Variants in CCNB3 observed in about 807,000 individuals in gnomAD.
The protein encoded by CCNB3 is cyclin B3, also known as G2/mitotic-specific cyclin-B3.
CCNB3 carries 12 observed loss-of-function variants against 68.0 expected under a neutral mutation model. The observed-to-expected ratio is 0.18, with a 90% CI of 0.11 to 0.29. The LOEUF (loss-of-function observed/expected upper bound fraction) is 0.29, where lower values mean the gene tolerates loss of function less well. Among genes scored for constraint, CCNB3 ranks in the 10% least tolerant of loss-of-function variants. The probability of loss-of-function intolerance (pLI) is 1.00; values close to 1 mark genes in which losing one functional copy is unlikely to be tolerated. For missense variants in CCNB3, 904 were observed against 993.1 expected, an observed-to-expected ratio of 0.91 and a Z score of 1.21; for synonymous variants, 354 against 388.9, an observed-to-expected ratio of 0.91 and a Z score of 1.06.
At chrX:50,286,077 T>C (rs1166359609) in intron 3 of CCNB3, among the ~76,000 whole-genome samples, 1 of 112,027 alleles carries the variant, frequency 8.9e-6, no homozygotes, top group Non-Finnish European at 1.9e-5. Flanking sequence ...CTAAGTTTTA[T>C]TGAGTTCAGT....
At chrX:50,209,341 T>C (rs1602177195) in intron 1 of CCNB3, among the ~76,000 whole-genome samples, 2 of 110,965 alleles carry the variant, frequency 1.8e-5, no homozygotes, top group Middle Eastern at 9.2e-3. Context: ...TGCCCAATAC[T>C]GGATTGTTTT....
chrX:50,285,315 C>T, intron 3 of CCNB3, 56 bp downstream of exon 3: 1 of 901,698 alleles, frequency 1.1e-6, no homozygotes, highest in Non-Finnish European at 1.6e-6. Context: ...CCTGTGTTGG[C>T]TCAGTACCTA....
intron 8 of CCNB3, among the ~76,000 whole-genome samples, chrX:50,315,267 A>G (rs1557215608): frequency 9.0e-6 from 1 of 111,375 alleles, no homozygotes; most frequent in Non-Finnish European, 1.9e-5. Flanking sequence ...ATATCAATGT[A>G]TACCCCTTGA....
chrX:50,306,201 T>G (rs1197621343), intron 5 of CCNB3, among the ~76,000 whole-genome samples: 3 of 111,258 alleles, frequency 2.7e-5, no homozygotes, highest in Non-Finnish European at 5.6e-5. Flanking sequence ...TTATGTTTGT[T>G]AAATTTATTT....
Position 50,309,851 on chromosome X carries a change from A to G in CCNB3, c.1682A>G (p.Asn561Ser). 1 of 1,210,829 alleles carries G rather than the reference A, an allele frequency of 8.3e-7. No homozygotes were observed. The highest frequency in any genetic ancestry group is 3.0e-5 in the East Asian group (1 of 33,839). ...CAGGATATGATTGGTGAAGATAAGA[A>G]TTCTTTCTTTATGGAGCCAATGTCA... ...DFQDMIGEDK[N>S]SFFMEPMSFR... The change falls in exon 6 of 13, where the codon AAT becomes AGT. Residue 561 changes from asparagine to serine, a missense_variant. This residue lies in a region of CCNB3 where 619 missense variants were observed against 609.8 expected (regional missense o/e 1.02). Coordinates refer to ENST00000376042, the MANE Select transcript of CCNB3 (RefSeq NM_033031.3).
chrX:50,218,704 C>A lies in CCNB3; in HGVS notation c.-113+13754C>A, dbSNP rs1220544423. On this transcript the variant is annotated intron_variant, in intron 1 of 12. Coordinates refer to ENST00000376042, the MANE Select transcript of CCNB3 (RefSeq NM_033031.3). The stretch of plus-strand genomic sequence containing the variant: ...CACTGATGGGCATTTGGGTTGGTTC[C>A]AAGTCTTTGCTATTGTGAATAGTGC... Among the ~76,000 whole-genome samples the A allele has an allele frequency of 5.4e-5, 6 of 111,799 alleles. No homozygotes were observed. The Admixed American group carries it at 5.7e-4, about 11-fold the overall frequency.
At position 50,310,705 on chromosome X, in the gene CCNB3, A is replaced by G; in HGVS notation, c.2536A>G (p.Lys846Glu). The G allele has an allele frequency of 1.7e-6, 2 of 1,210,752 alleles. No homozygotes were observed. The highest frequency in any genetic ancestry group is 2.2e-6 in the Non-Finnish European group (2 of 895,144). The change falls in exon 6 of 13, where the codon AAG (lysine) becomes GAG (glutamate). Residue 846 changes from lysine (K) to glutamate (E), a missense_variant. Transcript: ENST00000376042. ...EPSTEKEAVL[K>E]EPSVDTEAHF... Reference sequence around the variant, plus strand: ...CAGCACTGAGAAGGAGGCTGTCCTCAAGGAGCCCAGTGTTGACACAGAAGC... The same window carrying G: ...CAGCACTGAGAAGGAGGCTGTCCTCGAGGAGCCCAGTGTTGACACAGAAGC...
At chrX:50,321,499 T>C (rs1260212667) in intron 8 of CCNB3, among the ~76,000 whole-genome samples, 1 of 111,789 alleles carries the variant, frequency 8.9e-6, no homozygotes, top group East Asian at 2.8e-4. Flanking sequence ...CCAATGATTA[T>C]CCAGTTATTC....
chrX:50,204,408 C>T (rs1280683009), upstream of CCNB3: 1 of 109,351 alleles, frequency 9.1e-6, no homozygotes, highest in Non-Finnish European at 1.9e-5. Flanking sequence ...GAAATGCCTA[C>T]CACTTTAATT....
Position 50,342,271 on chromosome X carries a change from G to A in CCNB3, c.3586G>A (p.Ala1196Thr). 4 of 1,209,073 alleles carry A rather than the reference G, an allele frequency of 3.3e-6. No individual in the cohort carries two copies. Among genetic ancestry groups the A allele is most frequent in the Non-Finnish European group, 4.5e-6 (4 of 894,211 alleles). Residue 1196 changes from alanine (A) to threonine (T), a missense_variant, in exon 9 of 13, where the codon GCA (alanine) becomes ACA (threonine). Physicochemically the swap from Ala to Thr is moderately conservative, Grantham distance 58 (BLOSUM62 0). Around this residue, in one of 2 missense-constraint regions of CCNB3, gnomAD observed 285 missense variants for 383.4 expected, o/e 0.74. Transcript: ENST00000376042. ...GCTGGTGGATCTCTACCTAATGAAG[G>A]CAGTATGCAAGAAGGATAAGTTACA... ...VKLVDLYLMK[A>T]VCKKDKLQLL...
At chrX:50,307,891 T>C (rs188431442) in intron 5 of CCNB3, among the ~76,000 whole-genome samples, 2 of 112,307 alleles carry the variant, frequency 1.8e-5, no homozygotes, top group East Asian at 5.6e-4. Context: ...AGTCTTTCTG[T>C]GATTTTGTCT....
intron 1 of CCNB3, among the ~76,000 whole-genome samples, chrX:50,279,453 AAT>A (rs1233081854): frequency 6.6e-4 from 48 of 73,232 alleles, no homozygotes; most frequent in African/African-American, 1.7e-3. Context: ...TAAATATATA[AAT>A]ATATATAAAT....
chrX:50,300,539 C>T (rs1034622320), intron 5 of CCNB3, among the ~76,000 whole-genome samples: 1 of 111,549 alleles, frequency 9.0e-6, no homozygotes. Context: ...GTGGGTAACC[C>T]GACCTTTCTC....
In CCNB3 at chrX:50,351,138, C is replaced by A. The variant is rs1923658586; in HGVS notation, c.3961-103C>A. ...GTCTTTGAAATGTTTTGAATGTCATCTCTGTTTAAACCATGTGTGGGAAGC... is the reference window on the plus strand; with the variant it reads ...GTCTTTGAAATGTTTTGAATGTCATATCTGTTTAAACCATGTGTGGGAAGC... On this transcript the variant is annotated intron_variant, in intron 11 of 12. Transcript: ENST00000376042. The A allele has an allele frequency of 5.5e-6, 5 of 914,885 alleles. No homozygotes were observed. The South Asian group carries it at 1.1e-4, about 21-fold the overall frequency. 75.4% of individuals were successfully genotyped at this position (914,885 alleles called of 1,213,427 possible).
intron 4 of CCNB3, 91 bp downstream of exon 4, chrX:50,288,978 C>T: frequency 1.8e-6 from 1 of 558,633 alleles, no homozygotes; most frequent in Non-Finnish European, 2.8e-6. Context: ...ACCAGACCCT[C>T]TCTGGAATCT....
chrX:50,348,280 T>A (rs1184617258), intron 11 of CCNB3, among the ~76,000 whole-genome samples: 2 of 112,336 alleles, frequency 1.8e-5, no homozygotes, highest in African/African-American at 6.5e-5. Context: ...CAAAGCCTCC[T>A]GCTCCAATAC....
rs756016619 is a variant in CCNB3 at position 50,285,358 on chromosome X, G to T, written c.96+99G>T. ...CTGTGAGTCTTTTGAAATATGTCTGGTTTAACCTGAGAAAGTGGGGAGGGG... is the reference window on the plus strand; with the variant it reads ...CTGTGAGTCTTTTGAAATATGTCTGTTTTAACCTGAGAAAGTGGGGAGGGG... On this transcript the variant is annotated intron_variant, in intron 3 of 12. Coordinates refer to ENST00000376042, the MANE Select transcript of CCNB3 (RefSeq NM_033031.3). 10 of 651,918 alleles carry T rather than the reference G, an allele frequency of 1.5e-5. No individual in the cohort carries two copies. The South Asian group carries it at 2.0e-4, about 13-fold the overall frequency. The allele number at this position is 651,918 out of a possible 1,213,427, so 53.7% of individuals were successfully genotyped here.
intron 1 of CCNB3, among the ~76,000 whole-genome samples, chrX:50,279,862 C>CTATATATAAAATATATATAG (rs1452142854): frequency 5.9e-4 from 47 of 79,723 alleles, no homozygotes; most frequent in African/African-American, 2.3e-3. Flanking sequence ...AATATATATA[C>CTATATATAAAATATATATAG]TATATATAAA....
At chrX:50,330,340 G>A (rs972575267) in intron 8 of CCNB3, among the ~76,000 whole-genome samples, 22 of 111,499 alleles carry the variant, frequency 2.0e-4, no homozygotes, top group African/African-American at 6.9e-4. Flanking sequence ...TAACTACCAG[G>A]CCTGGAATGC....
Sources: gnomAD v4.1 joint callset for allele counts (sites outside exome capture counted in the v4.1 genomes callset) on GRCh38, gnomAD v4.1.1 for gene constraint, gnomAD v4.1.1 regional missense constraint, MANE v1.5 for transcripts, NCBI Gene and HGNC (gene_info 2026-07-23, HGNC 2026-07-21) for gene names.